The following ZFTA variants were observed in gnomAD, a reference collection of about 807,000 sequenced individuals.
The protein encoded by ZFTA is zinc finger translocation-associated protein.
Under a neutral mutation model 41.8 loss-of-function variants are expected in ZFTA, and 35 were observed. That is an observed-to-expected ratio of 0.84 (90% CI 0.64 to 1.11). The LOEUF (loss-of-function observed/expected upper bound fraction) is 1.11. Among genes scored for constraint, ZFTA ranks in the 50% most tolerant of loss-of-function variants. The pLI is 0.00. For synonymous variants in ZFTA, 514 were observed against 436.4 expected (o/e 1.18, Z -2.22); for missense variants, 964 against 989.8 (o/e 0.97, Z 0.35).
At chr11:63,764,828 C>A (rs1025298605) in intron 3 of ZFTA, 40 bp downstream of exon 3, 2 of 1,438,382 alleles carry the variant, frequency 1.4e-6, no homozygotes, top group Non-Finnish European at 1.8e-6. Context: ...ACTTCAGAGC[C>A]CCAGTATGAG....
chr11:63,764,247 C>T lies in ZFTA; in HGVS notation c.1376G>A (p.Arg459His). ...LKMSTIERHIRRRHPGSTRLG... is the reference protein window; with the variant it reads ...LKMSTIERHIHRRHPGSTRLG... ...GCGCGTGGAGCCCGGGTGGCGCCGG[C>T]GGATGTGGCGCTCGATGGTGCTCAT... The change falls in exon 4 of 5, where the codon CGC becomes CAC. Residue 459 changes from arginine (R) to histidine (H), a missense_variant. By Grantham distance (29) the Arg-to-His change is conservative. Around this residue, in one of 5 missense-constraint regions of ZFTA, gnomAD observed 584 missense variants for 523.1 expected, o/e 1.12. Transcript: ENST00000433688. 2.8e-6 allele frequency: 4 copies of T among 1,449,510 alleles called. No individual in the cohort carries two copies. The highest frequency in any genetic ancestry group is 2.6e-5 in the Admixed American group (1 of 38,170). 89.8% of individuals were successfully genotyped at this position (1,449,510 alleles called of 1,614,324 possible). A position where few individuals can be genotyped will look rare whatever the true frequency, so the allele number is the denominator to read the frequency against.
intron 3 of ZFTA, 90 bp downstream of exon 3, chr11:63,764,778 A>G (rs1468336173): frequency 7.1e-7 from 1 of 1,410,442 alleles, no homozygotes; most frequent in Non-Finnish European, 9.2e-7. Flanking sequence ...TTCAGCCCTC[A>G]GCCCTAAGTC....
Position 63,764,397 on chromosome 11 carries a change from G to A in ZFTA, c.1226C>T (p.Pro409Leu), listed in dbSNP as rs2014709709. ...GERAGVPGRS[P>L]RGRAHRRHPQ... Reference sequence around the variant, plus strand: ...GTGGCGGCGGTGGGCGCGGCCCCGCGGCGACCGGCCCGGGACCCCCGCCCT... The same window carrying A: ...GTGGCGGCGGTGGGCGCGGCCCCGCAGCGACCGGCCCGGGACCCCCGCCCT... The change falls in exon 4 of 5, where the codon CCG becomes CTG. Residue 409 changes from proline (P) to leucine (L), a missense_variant. Transcript: ENST00000433688. 3 of 1,296,064 alleles carry A rather than the reference G, an allele frequency of 2.3e-6. No homozygotes were observed. The African/African-American group carries it at 4.7e-5, about 20-fold the overall frequency. The allele number at this position is 1,296,064 out of a possible 1,614,324, so 80.3% of individuals were successfully genotyped here.
chr11:63,766,858 G>A (rs1297976684), intron 1 of ZFTA, among the ~76,000 whole-genome samples: 1 of 152,246 alleles, frequency 6.6e-6, no homozygotes, highest in African/African-American at 2.4e-5. Context: ...GGCATTGTCA[G>A]TTCCCCAAAT....
chr11:63,765,842 CCCTCCT>C lies in ZFTA; in HGVS notation c.596_601del (p.Glu199_Glu200del), dbSNP rs376623591. ...GGGCGGGCAAGCTGGGACACCGGCC[CCCTCCT>C]CCTCCTCCTCTTCTTCCTCCTCCTC... On this transcript the variant is annotated inframe_deletion, in exon 2 of 5. Transcript: ENST00000433688. The surrounding 1 kb of genome is among the most constrained non-coding windows in gnomAD (Gnocchi z 4.0). 4.1e-4 allele frequency: 605 copies of C among 1,492,890 alleles called. 1 individual carries two copies. Among genetic ancestry groups the C allele is most frequent in the South Asian group, 1.8e-3 (137 of 74,544 alleles). 92.5% of individuals were successfully genotyped at this position (1,492,890 alleles called of 1,614,324 possible).
chr11:63,766,827 T>G lies in ZFTA; in HGVS notation c.140-523A>C, dbSNP rs182590489. 2.4e-4 allele frequency among the ~76,000 whole-genome samples: 36 copies of G among 152,296 alleles called. No homozygotes were observed. The East Asian group carries it at 6.6e-3, about 28-fold the overall frequency. On this transcript the variant is annotated intron_variant, in intron 1 of 4. Coordinates refer to ENST00000433688, the MANE Select transcript of ZFTA (RefSeq NM_001144936.2). The stretch of plus-strand genomic sequence containing the variant: ...TGCTTCAAATATAGCTTCCTGAGAC[T>G]CCCATTTTGGGGATGGGCTAGGCAT...
Position 63,765,345 on chromosome 11 carries a change from G to C in ZFTA, c.638-91C>G. The C allele has an allele frequency of 1.5e-6, 2 of 1,343,108 alleles. No homozygotes were observed. Among genetic ancestry groups the C allele is most frequent in the Admixed American group, 3.3e-5 (1 of 30,048 alleles). The allele number at this position is 1,343,108 out of a possible 1,614,324, so 83.2% of individuals were successfully genotyped here. Reference sequence around the variant, plus strand: ...TCTCCCACAAGCCTCTCACTCACTTGGGCCCCAGGCCTAACCTTTGCCCTT... The same window carrying C: ...TCTCCCACAAGCCTCTCACTCACTTCGGCCCCAGGCCTAACCTTTGCCCTT... On this transcript the variant is annotated intron_variant, in intron 2 of 4. Coordinates refer to ENST00000433688, the MANE Select transcript of ZFTA (RefSeq NM_001144936.2). This position sits in a 1 kb window ranked among gnomAD's most constrained non-coding sequence, Gnocchi z 4.0.
In ZFTA at chr11:63,765,973, G is replaced by C. The variant is rs1438727106; in HGVS notation, c.471C>G (p.Pro157=). Residue 157 remains proline, a synonymous_variant, in exon 2 of 5, where the codon CCC becomes CCG. Coordinates refer to ENST00000433688, the MANE Select transcript of ZFTA (RefSeq NM_001144936.2). The surrounding 1 kb of genome is among the most constrained non-coding windows in gnomAD (Gnocchi z 4.0). ...TGTTGCTGATGACTTCCTTCTCCCG[G>C]GGACTCCAATGCAAGGAGTAGGGGT... is the stretch of plus-strand genomic sequence containing the variant. ...QKHPYSLHWS[P]REKEVISNSW... The C allele has an allele frequency of 6.4e-7, 1 of 1,551,708 alleles. No homozygotes were observed. Among genetic ancestry groups the C allele is most frequent in the Admixed American group, 2.0e-5 (1 of 51,002 alleles).
intron 1 of ZFTA, 75 bp downstream of exon 1, chr11:63,768,409 A>G (rs1412096337): frequency 2.9e-5 from 26 of 906,312 alleles, no homozygotes; most frequent in Admixed American, 5.9e-5. Flanking sequence ...TCGGCGGCGG[A>G]GAGGGGCCCC....
rs951405221 is a variant in ZFTA at position 63,764,123 on chromosome 11, G to T, written c.1500C>A (p.Gly500=). The T allele has an allele frequency of 1.5e-6, 2 of 1,344,026 alleles. No individual in the cohort carries two copies. The highest frequency in any genetic ancestry group is 3.1e-5 in the African/African-American group (2 of 64,730). 83.3% of individuals were successfully genotyped at this position (1,344,026 alleles called of 1,614,324 possible). A position where few individuals can be genotyped will look rare whatever the true frequency, so the allele number is the denominator to read the frequency against. ...CTGCGGCAGTGCCGGGGGGGATGGG[G>T]CCCTGGGGGGACTCGGGGCGGGGCG... ...LGPPRPESPQ[G]PIPPGTAAAS... The change falls in exon 4 of 5, where the codon GGC becomes GGA. Residue 500 remains glycine, a synonymous_variant. Transcript: ENST00000433688.
chr11:63,764,974 C>G lies in ZFTA; in HGVS notation c.918G>C (p.Glu306Asp), dbSNP rs1038442166. The G allele has an allele frequency of 1.2e-5, 18 of 1,548,648 alleles. No individual in the cohort carries two copies. The highest frequency in any genetic ancestry group is 1.6e-5 in the Non-Finnish European group (18 of 1,146,598). The change falls in exon 3 of 5, where the codon GAG (glutamate) becomes GAC (aspartate). Residue 306 changes from glutamate (E) to aspartate (D), a missense_variant. Transcript: ENST00000433688. ...TGAGCCCCAGGGAGCCAGGGTGCAC[C>G]TCCAGCACGTGGGCACGGATGTCGT... is the stretch of plus-strand genomic sequence containing the variant. ...HLDDIRAHVLEVHPGSLGLSG... is the reference protein window; with the variant it reads ...HLDDIRAHVLDVHPGSLGLSG...
rs1420107494 is a variant in ZFTA at position 63,761,440 on chromosome 11, G to C, written c.*1978C>G. ...TGCTCATCCCAAGGCAGTGTGCAGG[G>C]CTTTGCCACCTTCAGGAGTCACAGA... On this transcript the variant is annotated 3_prime_UTR_variant, in exon 5 of 5. Transcript: ENST00000433688. 3 of 152,252 alleles carry C rather than the reference G, an allele frequency of 2.0e-5. No individual in the cohort carries two copies. The highest frequency in any genetic ancestry group is 4.4e-5 in the Non-Finnish European group (3 of 68,066). 9.4% of individuals were successfully genotyped at this position (152,252 alleles called of 1,614,324 possible). A position where few individuals can be genotyped will look rare whatever the true frequency, so the allele number is the denominator to read the frequency against.
rs1210521329 is a variant in ZFTA at position 63,761,201 on chromosome 11, G to A, written c.*2217C>T. On this transcript the variant is annotated 3_prime_UTR_variant, in exon 5 of 5. Transcript: ENST00000433688. ...TTTTAATACTGTCTCAAAAACCGTGGAGGTTCAAACTCACTGGGAATTTAC... is the reference window on the plus strand; with the variant it reads ...TTTTAATACTGTCTCAAAAACCGTGAAGGTTCAAACTCACTGGGAATTTAC... 4 of 152,210 alleles carry A rather than the reference G, an allele frequency of 2.6e-5. No homozygotes were observed. Among genetic ancestry groups the A allele is most frequent in the Admixed American group, 1.3e-4 (2 of 15,282 alleles). 9.4% of individuals were successfully genotyped at this position (152,210 alleles called of 1,614,324 possible). A position where few individuals can be genotyped will look rare whatever the true frequency, so the allele number is the denominator to read the frequency against.
chr11:63,767,810 C>CA lies in ZFTA; in HGVS notation c.139+673dup, dbSNP rs199656025. On this transcript the variant is annotated intron_variant, in intron 1 of 4. Coordinates refer to ENST00000433688, the MANE Select transcript of ZFTA (RefSeq NM_001144936.2). Reference sequence around the variant, plus strand: ...TTCCGCTAGAGCTGACAAATTAGGGCAAAAAAAAATTCTGAAAAGAAGGGA... The same window carrying CA: ...TTCCGCTAGAGCTGACAAATTAGGGCAAAAAAAAAATTCTGAAAAGAAGGGA... 9.6e-3 allele frequency among the ~76,000 whole-genome samples: 1,453 copies of CA among 150,678 alleles called. 22 individuals carry two copies. Among genetic ancestry groups the CA allele is most frequent in the African/African-American group, 0.033 (1,353 of 41,048 alleles).
Position 63,761,195 on chromosome 11 carries a change from A to G in ZFTA, c.*2223T>C, listed in dbSNP as rs1040326374. ...TCAAGCTTTTAATACTGTCTCAAAAACCGTGGAGGTTCAAACTCACTGGGA... is the reference window on the plus strand; with the variant it reads ...TCAAGCTTTTAATACTGTCTCAAAAGCCGTGGAGGTTCAAACTCACTGGGA... On this transcript the variant is annotated 3_prime_UTR_variant, in exon 5 of 5. Transcript: ENST00000433688. 1 of 152,186 alleles carries G rather than the reference A, an allele frequency of 6.6e-6. No homozygotes were observed. The highest frequency in any genetic ancestry group is 2.1e-4 in the South Asian group (1 of 4,830). The allele number at this position is 152,186 out of a possible 1,614,324, so 9.4% of individuals were successfully genotyped here.
chr11:63,760,785 A>T lies in ZFTA; in HGVS notation c.*2633T>A, dbSNP rs2014613293. On this transcript the variant is annotated 3_prime_UTR_variant, in exon 5 of 5. Transcript: ENST00000433688. ...ATGGAGGGCTCATGAAAACACTGCT[A>T]GGCCCCAACCAAGTTTCTGATTCAG... 6.6e-6 allele frequency: 1 copy of T among 152,260 alleles called. No individual in the cohort carries two copies. Among genetic ancestry groups the T allele is most frequent in the Non-Finnish European group, 1.5e-5 (1 of 68,056 alleles). 9.4% of individuals were successfully genotyped at this position (152,260 alleles called of 1,614,324 possible).
At position 63,760,550 on chromosome 11, in the gene ZFTA, T is replaced by TAAC. The variant is rs568031291; in HGVS notation, c.*2865_*2867dup. 2 of 152,142 alleles carry TAAC rather than the reference T, an allele frequency of 1.3e-5. No individual in the cohort carries two copies. Among genetic ancestry groups the TAAC allele is most frequent in the South Asian group, 2.1e-4 (1 of 4,826 alleles). 9.4% of individuals were successfully genotyped at this position (152,142 alleles called of 1,614,324 possible). A position where few individuals can be genotyped will look rare whatever the true frequency, so the allele number is the denominator to read the frequency against. ...TTGGCCATAATAGCAAGCATACCATTAACAACAACAACAAAAAAAATCATG... is the reference window on the plus strand; with the variant it reads ...TTGGCCATAATAGCAAGCATACCATTAACAACAACAACAACAAAAAAAATCATG... On this transcript the variant is annotated 3_prime_UTR_variant, in exon 5 of 5. Coordinates refer to ENST00000433688, the MANE Select transcript of ZFTA (RefSeq NM_001144936.2).
rs1472879085 is a variant in ZFTA at position 63,765,248 on chromosome 11, G to A, written c.644C>T (p.Ala215Val). 1 of 1,451,246 alleles carries A rather than the reference G, an allele frequency of 6.9e-7. No individual in the cohort carries two copies. The highest frequency in any genetic ancestry group is 9.0e-7 in the Non-Finnish European group (1 of 1,109,184). 89.9% of individuals were successfully genotyped at this position (1,451,246 alleles called of 1,614,324 possible). Residue 215 changes from alanine to valine, a missense_variant, in exon 3 of 5, where the codon GCC becomes GTC. Physicochemically the swap from Ala to Val is moderately conservative, Grantham distance 64 (BLOSUM62 0). Transcript: ENST00000433688. This position sits in a 1 kb window ranked among gnomAD's most constrained non-coding sequence, Gnocchi z 4.0. ...GCGCCGGCAGCCCCCACCAGCTGGG[G>A]CTTTGCCTGAAAGGGTTGGAGGGAA... is the stretch of plus-strand genomic sequence containing the variant. ...PACPPKGPGK[A>V]PAGGGCRRQR...
intron 3 of ZFTA, 133 bp downstream of exon 3, chr11:63,764,735 G>GAA: frequency 7.4e-7 from 1 of 1,355,424 alleles, no homozygotes; most frequent in Non-Finnish European, 9.5e-7. Flanking sequence ...GGGGCAGGGG[G>GAA]AAAGTATGTG....
Sources: gnomAD v4.1 joint callset for allele counts (sites outside exome capture counted in the v4.1 genomes callset) on GRCh38, gnomAD v4.1.1 for gene constraint, gnomAD v4.1.1 regional missense constraint, Gnocchi (gnomAD v3.1) non-coding constraint, MANE v1.5 for transcripts, NCBI Gene and HGNC (gene_info 2026-07-23, HGNC 2026-07-21) for gene names.